The following SMTNL2 variants were observed in gnomAD, a reference collection of about 807,000 sequenced individuals.
SMTNL2 encodes smoothelin like 2.
A neutral mutation model predicts 44.1 loss-of-function variants in SMTNL2; 43 were observed. That is an observed-to-expected ratio of 0.98 (90% CI 0.76 to 1.26). The LOEUF (loss-of-function observed/expected upper bound fraction) is 1.26, where lower values mean the gene tolerates loss of function less well. Ranked by LOEUF, SMTNL2 falls within the 50% of genes most tolerant of loss-of-function variation. The probability of loss-of-function intolerance (pLI) is 0.00; values close to 1 mark genes in which losing one functional copy is unlikely to be tolerated. For missense variants in SMTNL2, 646 were observed against 670.2 expected (o/e 0.96, Z 0.40); for synonymous variants, 317 against 287.6 (o/e 1.10, Z -1.03).
intron 1 of SMTNL2, 55 bp downstream of exon 1, chr17:4,585,059 T>A: frequency 1.6e-6 from 2 of 1,283,230 alleles, no homozygotes; most frequent in South Asian, 2.2e-5. Context: ...CCGAACCGGG[T>A]GCCGCCCCTT....
At chr17:4,596,827 G>A (rs1027990635) in intron 5 of SMTNL2, 33 bp from the exon 6 acceptor site, 1 of 1,417,648 alleles carries the variant, frequency 7.1e-7, no homozygotes, top group East Asian at 2.7e-5. Context: ...CAGCTGGAGG[G>A]GCCCCCGCAG....
intron 3 of SMTNL2, among the ~76,000 whole-genome samples, 181 bp downstream of exon 3, chr17:4,593,352 A>G (rs1294906239): frequency 6.6e-6 from 1 of 152,226 alleles, no homozygotes; most frequent in Non-Finnish European, 1.5e-5. Context: ...CTGCCCAGAG[A>G]TGCTGTGAAA....
At position 4,592,346 on chromosome 17, in the gene SMTNL2, T is replaced by A. The variant is rs1909607976; in HGVS notation, c.400-15T>A. 6.2e-7 allele frequency: 1 copy of A among 1,612,080 alleles called. No homozygotes were observed. The highest frequency in any genetic ancestry group is 1.1e-5 in the South Asian group (1 of 91,018). ...CCTAGCTGATGGGGTCTCGGTGACA[T>A]TTGTGTCTCTGTAGAGTTTGGATCA... On this transcript the variant is annotated splice_polypyrimidine_tract_variant and intron_variant, in intron 1 of 7. Transcript: ENST00000389313. This position sits in a 1 kb window ranked among gnomAD's most constrained non-coding sequence, Gnocchi z 4.5.
chr17:4,588,391 C>A (rs1021748777), intron 1 of SMTNL2, among the ~76,000 whole-genome samples: 1 of 152,236 alleles, frequency 6.6e-6, no homozygotes, highest in East Asian at 1.9e-4. Context: ...TGGGGCACCT[C>A]CCCTTTCTCA....
Position 4,595,399 on chromosome 17 carries a change from C to A in SMTNL2, c.989+72C>A. 1 of 1,554,836 alleles carries A rather than the reference C, an allele frequency of 6.4e-7. No homozygotes were observed. Among genetic ancestry groups the A allele is most frequent in the Admixed American group, 1.8e-5 (1 of 55,426 alleles). ...GACCCAGACGGGGCTTGGGTGGGTG[C>A]AGCAGGGCAAGGTTCAGCCCTGTCC... On this transcript the variant is annotated intron_variant, in intron 5 of 7. Transcript: ENST00000389313. The surrounding 1 kb of genome is among the most constrained non-coding windows in gnomAD (Gnocchi z 5.1).
At chr17:4,588,708 T>C (rs1369036912) in intron 1 of SMTNL2, among the ~76,000 whole-genome samples, 1 of 152,192 alleles carries the variant, frequency 6.6e-6, no homozygotes, top group Non-Finnish European at 1.5e-5. Context: ...CTAAGACAGA[T>C]CCCATGGGGC....
At chr17:4,606,169 T>G (rs1300152440) in intron 7 of SMTNL2, among the ~76,000 whole-genome samples, 6 of 152,066 alleles carry the variant, frequency 3.9e-5, no homozygotes. Context: ...GCCCCCAGGC[T>G]GGAGTGCAAT....
chr17:4,591,046 G>A (rs1215440776), intron 1 of SMTNL2, among the ~76,000 whole-genome samples: 1 of 152,132 alleles, frequency 6.6e-6, no homozygotes, highest in African/African-American at 2.4e-5. Context: ...TCCTCCACCG[G>A]GCTCACTCTG....
chr17:4,604,363 T>C lies in SMTNL2; in HGVS notation c.1260-2998T>C, dbSNP rs181345066. On this transcript the variant is annotated intron_variant, in intron 7 of 7. Coordinates refer to ENST00000389313, the MANE Select transcript of SMTNL2 (RefSeq NM_001114974.2). ...CTCCAAGCAGGAGGTGGGGAGGGGA[T>C]CCAGGACAGATGCCTCCATTTCGCC... Among the ~76,000 whole-genome samples the C allele has an allele frequency of 2.2e-3, 338 of 152,284 alleles. 3 individuals carry two copies. Among genetic ancestry groups the C allele is most frequent in the East Asian group, 1.9e-3 (10 of 5,170 alleles).
chr17:4,585,033 GC>G, intron 1 of SMTNL2, 29 bp downstream of exon 1: 1 of 1,303,518 alleles, frequency 7.7e-7, no homozygotes, highest in South Asian at 2.1e-5. Flanking sequence ...GTGCGCTGGC[GC>G]CAGGGAGTGG....
intron 7 of SMTNL2, among the ~76,000 whole-genome samples, chr17:4,603,991 T>C (rs888515597): frequency 1.1e-4 from 17 of 151,836 alleles, no homozygotes; most frequent in East Asian, 3.9e-4. Flanking sequence ...ACTGCAGGCA[T>C]ACGCCACCAC....
intron 6 of SMTNL2, 52 bp downstream of exon 6, chr17:4,597,029 C>T (rs773873269): frequency 1.4e-6 from 2 of 1,477,588 alleles, no homozygotes; most frequent in South Asian, 1.3e-5. Context: ...AAAAGCTTGA[C>T]CAAGCGTCGC....
rs569158814 is a variant in SMTNL2 at position 4,595,810 on chromosome 17, C to T, written c.989+483C>T. On this transcript the variant is annotated intron_variant, in intron 5 of 7. Transcript: ENST00000389313. This position sits in a 1 kb window ranked among gnomAD's most constrained non-coding sequence, Gnocchi z 5.1. ...TGGCCTCCAGCCTGCTACTAGGTCT[C>T]GAGCGACGGCTCCTCAGGCTCCAGC... Among the ~76,000 whole-genome samples the T allele has an allele frequency of 2.0e-5, 3 of 152,352 alleles. No homozygotes were observed. The East Asian group carries it at 5.8e-4, about 29-fold the overall frequency.
At chr17:4,589,309 C>G (rs1206361704) in intron 1 of SMTNL2, among the ~76,000 whole-genome samples, 2 of 152,172 alleles carry the variant, frequency 1.3e-5, no homozygotes, top group African/African-American at 2.4e-5. Context: ...CCCCCAGAGC[C>G]CCGCCTGGAC....
At chr17:4,604,267 C>T (rs765055390) in intron 7 of SMTNL2, among the ~76,000 whole-genome samples, 3 of 152,166 alleles carry the variant, frequency 2.0e-5, no homozygotes, top group East Asian at 1.9e-4. Context: ...AAAGGGTGCC[C>T]GCTCATTGGG....
chr17:4,604,981 T>G (rs4790657), intron 7 of SMTNL2, among the ~76,000 whole-genome samples: 25,138 of 151,178 alleles, frequency 0.17, 2,570 homozygotes, highest in East Asian at 0.45. Context: ...AGTATTCCGA[T>G]TTTGTGCTAA....
Position 4,596,881 on chromosome 17 carries a change from C to G in SMTNL2, c.1011C>G (p.Ala337=). ...GCAGGGGGAAAGGCGAGGCCCGGGCCAGGCTGAAGCGGTCGCAGAGCTTCG... is the reference window on the plus strand; with the variant it reads ...GCAGGGGGAAAGGCGAGGCCCGGGCGAGGCTGAAGCGGTCGCAGAGCTTCG... ...AAGKGKGEAR[A]RLKRSQSFGV... is the part of the protein sequence containing the mutation. Residue 337 remains alanine, a synonymous_variant, in exon 6 of 8, where the codon GCC becomes GCG. Transcript: ENST00000389313. The G allele has an allele frequency of 2.7e-6, 4 of 1,499,712 alleles. No individual in the cohort carries two copies. The highest frequency in any genetic ancestry group is 3.6e-6 in the Non-Finnish European group (4 of 1,120,142). The allele number at this position is 1,499,712 out of a possible 1,614,324, so 92.9% of individuals were successfully genotyped here.
chr17:4,604,216 C>G (rs983598916), intron 7 of SMTNL2, among the ~76,000 whole-genome samples: 1 of 152,206 alleles, frequency 6.6e-6, no homozygotes, highest in Non-Finnish European at 1.5e-5. Flanking sequence ...AGAGGGCCAG[C>G]TTCCCTGACA....
Position 4,607,610 on chromosome 17 carries a change from T to C in SMTNL2, c.*123T>C. The C allele has an allele frequency of 6.8e-7, 1 of 1,467,430 alleles. No homozygotes were observed. Among genetic ancestry groups the C allele is most frequent in the South Asian group, 1.3e-5 (1 of 75,214 alleles). The allele number at this position is 1,467,430 out of a possible 1,614,324, so 90.9% of individuals were successfully genotyped here. A position where few individuals can be genotyped will look rare whatever the true frequency, so the allele number is the denominator to read the frequency against. On this transcript the variant is annotated 3_prime_UTR_variant, in exon 8 of 8. Transcript: ENST00000389313. This position sits in a 1 kb window ranked among gnomAD's most constrained non-coding sequence, Gnocchi z 4.7. Reference sequence around the variant, plus strand: ...TGGTGTGAGCGCGCTGTTTGTTCTGTGGCATGTGACGGCACTCCCCTTCGA... The same window carrying C: ...TGGTGTGAGCGCGCTGTTTGTTCTGCGGCATGTGACGGCACTCCCCTTCGA...
Sources: allele counts gnomAD v4.1 joint callset (sites outside exome capture counted in the v4.1 genomes callset), GRCh38; gene constraint gnomAD v4.1.1; non-coding constraint Gnocchi (gnomAD v3.1); transcripts MANE v1.5; gene names NCBI Gene and HGNC (gene_info 2026-07-23, HGNC 2026-07-21).